Variants in TMCO5A observed in about 807,000 individuals in gnomAD.
TMCO5A encodes transmembrane and coiled-coil domain-containing protein 5A.
In TMCO5A, 34 loss-of-function variants were observed where a neutral mutation model predicts 42.3. That is an observed-to-expected ratio of 0.80 (90% CI 0.61 to 1.07). The LOEUF is 1.07. TMCO5A is among the 50% of genes least tolerant of loss of function. TMCO5A has a pLI of 0.00. For synonymous variants in TMCO5A, 131 were observed against 115.6 expected (o/e 1.13, Z -0.86); for missense variants, 357 against 327.9 (o/e 1.09, Z -0.69).
the TMCO5A span, among the ~76,000 whole-genome samples, chr15:38,016,420 C>G: frequency 6.6e-6 from 1 of 152,108 alleles, no homozygotes; most frequent in East Asian, 1.9e-4. Context: ...CATGAACTCC[C>G]AAGGTAACTT....
chr15:37,972,813 T>C, the TMCO5A span, among the ~76,000 whole-genome samples: 1,276 of 152,294 alleles, frequency 8.4e-3, 22 homozygotes, highest in African/African-American at 0.028. Flanking sequence ...TTGGGTTTTG[T>C]TGCAATTGTT....
chr15:37,941,613 C>T (rs1889744637), intron 7 of TMCO5A, 58 bp from the exon 8 acceptor site: 4 of 1,263,802 alleles, frequency 3.2e-6, no homozygotes, highest in Non-Finnish European at 4.6e-6. Context: ...AACAAGTATG[C>T]TTGTGTTCTT....
downstream of TMCO5A, among the ~76,000 whole-genome samples, chr15:37,972,134 A>C (rs1890684966): frequency 6.6e-6 from 1 of 152,234 alleles, no homozygotes; most frequent in Non-Finnish European, 1.5e-5. Flanking sequence ...TTGGACTTAC[A>C]GTTCCACGTG....
In TMCO5A at chr15:37,949,058, G is replaced by A. The variant is rs191243146; in HGVS notation, c.668+1362G>A. ...GGCAGAGGCATCCCAAAACAGCTGG[G>A]TAAGAATAATACAGGAAAGAAATGG... On this transcript the variant is annotated intron_variant, in intron 11 of 11. Coordinates refer to ENST00000319669, the MANE Select transcript of TMCO5A (RefSeq NM_152453.4). 5.7e-4 allele frequency among the ~76,000 whole-genome samples: 87 copies of A among 151,954 alleles called. No individual in the cohort carries two copies. The East Asian group carries it at 0.015, about 26-fold the overall frequency.
chr15:38,034,573 C>G, the TMCO5A span, among the ~76,000 whole-genome samples: 1 of 152,330 alleles, frequency 6.6e-6, no homozygotes, highest in African/African-American at 2.4e-5. Context: ...CCTGGCTCCA[C>G]CTCCCCAACC....
At chr15:37,959,008 C>G (rs58428352) in intron 11 of TMCO5A, among the ~76,000 whole-genome samples, 10 of 147,932 alleles carry the variant, frequency 6.8e-5, no homozygotes, top group African/African-American at 2.4e-4. Flanking sequence ...TCTCAGCAAA[C>G]TAACACAGGA....
At chr15:37,985,672 C>T in the TMCO5A span, among the ~76,000 whole-genome samples, 1,941 of 152,264 alleles carry the variant, frequency 0.013, 42 homozygotes, top group African/African-American at 0.044. Flanking sequence ...TAGTGACCTT[C>T]TTTGAGTCCC....
At chr15:38,028,565 T>G in the TMCO5A span, among the ~76,000 whole-genome samples, 213 of 152,326 alleles carry the variant, frequency 1.4e-3, no homozygotes, top group African/African-American at 5.0e-3. Flanking sequence ...GCTCACAGAT[T>G]AATTTCTCCA....
chr15:37,935,497 T>C (rs1470763320), intron 2 of TMCO5A, 149 bp downstream of exon 2: 1 of 152,178 alleles, frequency 6.6e-6, no homozygotes, highest in Non-Finnish European at 1.5e-5. Flanking sequence ...CCTTCCAAGA[T>C]AGGACTTAAC....
chr15:37,988,172 G>A, the TMCO5A span, among the ~76,000 whole-genome samples: 1 of 151,836 alleles, frequency 6.6e-6, no homozygotes, highest in African/African-American at 2.4e-5. Context: ...GTGTAGAAAT[G>A]CAAGTGATTT....
intron 10 of TMCO5A, chr15:37,944,065 G>A (rs888308467): frequency 1.3e-5 from 2 of 152,088 alleles, no homozygotes; most frequent in African/African-American, 4.8e-5. Flanking sequence ...ATTGGCTTTA[G>A]AGTCCAGGTT....
intron 11 of TMCO5A, among the ~76,000 whole-genome samples, chr15:37,949,681 G>GC (rs1890090672): frequency 6.6e-6 from 1 of 151,048 alleles, no homozygotes; most frequent in Non-Finnish European, 1.5e-5. Flanking sequence ...CAAAAGGCAA[G>GC]CCCAGATGTG....
At chr15:37,978,819 C>T in the TMCO5A span, among the ~76,000 whole-genome samples, 1 of 137,748 alleles carries the variant, frequency 7.3e-6, no homozygotes, top group Non-Finnish European at 1.5e-5. Flanking sequence ...GGTCACGGTT[C>T]GGCCGGCTAG....
chr15:37,938,191 G>C lies in TMCO5A; in HGVS notation c.349G>C (p.Glu117Gln). 1.3e-6 allele frequency: 2 copies of C among 1,582,708 alleles called. No individual in the cohort carries two copies. Among genetic ancestry groups the C allele is most frequent in the Non-Finnish European group, 1.7e-6 (2 of 1,163,068 alleles). ...GAAATCACAAAAGATAACCAATTGTGAACAAAGCAGTCCAGATGGAGCCCT... is the reference window on the plus strand; with the variant it reads ...GAAATCACAAAAGATAACCAATTGTCAACAAAGCAGTCCAGATGGAGCCCT... ...TRKSQKITNC[E>Q]QSSPDGALEE... The change falls in exon 6 of 12, where the codon GAA becomes CAA. Residue 117 changes from glutamate (E) to glutamine (Q), a missense_variant. Glu to Gln is a conservative substitution (Grantham distance 29). Transcript: ENST00000319669.
At chr15:37,966,538 G>T (rs1890561315) in intron 11 of TMCO5A, 1 of 701,328 alleles carries the variant, frequency 1.4e-6, no homozygotes, top group East Asian at 2.7e-5. Flanking sequence ...TTCAGTGCGT[G>T]AATAGACTTG....
chr15:37,968,414 T>C (rs569291159), downstream of TMCO5A, among the ~76,000 whole-genome samples: 1 of 152,200 alleles, frequency 6.6e-6, no homozygotes, highest in African/African-American at 2.4e-5. Flanking sequence ...TGCACACCTT[T>C]CCTTCCAGAC....
In TMCO5A at chr15:37,941,667, C is replaced by T; in HGVS notation, c.445-4C>T. ...ATATTTACAACTAAATTTTGATTTC[C>T]TAGGTAATGAAGGAGTATGCATTTG... On this transcript the variant is annotated splice_polypyrimidine_tract_variant and splice_region_variant and intron_variant, in intron 7 of 11. Transcript: ENST00000319669. 3 of 1,603,926 alleles carry T rather than the reference C, an allele frequency of 1.9e-6. No homozygotes were observed. The highest frequency in any genetic ancestry group is 2.6e-6 in the Non-Finnish European group (3 of 1,171,494).
chr15:38,032,330 A>G, the TMCO5A span, among the ~76,000 whole-genome samples: 3 of 152,174 alleles, frequency 2.0e-5, no homozygotes, highest in Non-Finnish European at 4.4e-5. Flanking sequence ...AGATCAGGTC[A>G]TCTTTCACCT....
chr15:38,028,157 A>C, the TMCO5A span, among the ~76,000 whole-genome samples: 1 of 150,862 alleles, frequency 6.6e-6, no homozygotes, highest in Admixed American at 6.6e-5. Context: ...TCAGCTGCTT[A>C]TTATAACATA....
Sources: allele counts gnomAD v4.1 joint callset (sites outside exome capture counted in the v4.1 genomes callset), GRCh38; gene constraint gnomAD v4.1.1; transcripts MANE v1.5; gene names NCBI Gene and HGNC (gene_info 2026-07-23, HGNC 2026-07-21).